DIAPH3: variants seen among roughly 807,000 people sequenced by gnomAD.
The protein encoded by DIAPH3 is protein diaphanous homolog 3.
DIAPH3 carries 117 observed loss-of-function variants against 144.3 expected under a neutral mutation model. The observed-to-expected ratio is 0.81, with a 90% confidence interval of 0.70 to 0.95. DIAPH3 has a LOEUF of 0.95. Ranked by LOEUF, DIAPH3 falls within the 40% of genes least tolerant of loss-of-function variation. The pLI is 0.00. For missense variants in DIAPH3, 1,421 were observed against 1,412.7 expected (o/e 1.01, Z -0.09); for synonymous variants, 519 against 488.9 (o/e 1.06, Z -0.81).
At chr13:60,157,953 T>C (rs912945447) in intron 1 of DIAPH3, among the ~76,000 whole-genome samples, 1 of 152,128 alleles carries the variant, frequency 6.6e-6, no homozygotes, top group Admixed American at 6.5e-5. Flanking sequence ...CTCTCCAGGA[T>C]TTTCTCCTCA....
At chr13:59,689,932 A>T (rs896607028) in intron 27 of DIAPH3, among the ~76,000 whole-genome samples, 1 of 152,036 alleles carries the variant, frequency 6.6e-6, no homozygotes, top group African/African-American at 2.4e-5. Flanking sequence ...TACTCTATCC[A>T]AATAATGTTA....
intron 17 of DIAPH3, among the ~76,000 whole-genome samples, chr13:59,937,023 C>T (rs1433206637): frequency 1.3e-5 from 2 of 151,730 alleles, no homozygotes; most frequent in Non-Finnish European, 2.9e-5. Flanking sequence ...ATTAGCTGGG[C>T]GTGGTGGCGG....
At chr13:59,832,245 T>G (rs1369153733) in intron 24 of DIAPH3, among the ~76,000 whole-genome samples, 1 of 151,826 alleles carries the variant, frequency 6.6e-6, no homozygotes, top group African/African-American at 2.4e-5. Context: ...TCCTGTAAAT[T>G]AGTTTTCCTT....
At chr13:60,108,546 C>A (rs1199291681) in intron 3 of DIAPH3, among the ~76,000 whole-genome samples, 1 of 151,726 alleles carries the variant, frequency 6.6e-6, no homozygotes, top group Admixed American at 6.6e-5. Flanking sequence ...ACAGAAGTTG[C>A]AATAAGCCAA....
intron 1 of DIAPH3, among the ~76,000 whole-genome samples, chr13:60,135,439 G>T (rs978836829): frequency 3.3e-5 from 5 of 152,110 alleles, no homozygotes; most frequent in Admixed American, 3.3e-4. Context: ...TTAAGATGCA[G>T]GTGTATCCTG....
At chr13:60,094,593 A>C (rs955952267) in intron 3 of DIAPH3, among the ~76,000 whole-genome samples, 3 of 152,162 alleles carry the variant, frequency 2.0e-5, no homozygotes, top group African/African-American at 7.2e-5. Context: ...TGCAATGTAA[A>C]ATATCTGAAT....
intron 17 of DIAPH3, among the ~76,000 whole-genome samples, chr13:59,953,293 T>A (rs2049198014): frequency 6.6e-6 from 1 of 151,942 alleles, no homozygotes; most frequent in Admixed American, 6.6e-5. Flanking sequence ...AGTGAAAGAA[T>A]TGAAAGAGAG....
intron 9 of DIAPH3, among the ~76,000 whole-genome samples, chr13:59,998,707 T>C (rs565038710): frequency 3.7e-4 from 57 of 152,278 alleles, no homozygotes; most frequent in Middle Eastern, 3.4e-3. Context: ...TCTACTAGCA[T>C]ACTGGCTTAT....
At chr13:59,709,061 A>C (rs1424194405) in intron 27 of DIAPH3, among the ~76,000 whole-genome samples, 1 of 152,170 alleles carries the variant, frequency 6.6e-6, no homozygotes, top group African/African-American at 2.4e-5. Context: ...TCTGTAAAAA[A>C]TGCAGATCTA....
chr13:60,155,635 G>T (rs1460693832), intron 1 of DIAPH3, among the ~76,000 whole-genome samples: 1 of 152,136 alleles, frequency 6.6e-6, no homozygotes, highest in Non-Finnish European at 1.5e-5. Context: ...AAATTTAGGT[G>T]CCTAAAGCTT....
At chr13:59,941,602 T>C (rs976295402) in intron 17 of DIAPH3, among the ~76,000 whole-genome samples, 2 of 152,292 alleles carry the variant, frequency 1.3e-5, no homozygotes, top group African/African-American at 4.8e-5. Context: ...TAGTGCATAG[T>C]ATGTTTAGAC....
chr13:59,795,820 C>T (rs2039572472), intron 25 of DIAPH3, among the ~76,000 whole-genome samples: 1 of 152,132 alleles, frequency 6.6e-6, no homozygotes, highest in South Asian at 2.1e-4. Flanking sequence ...ACTAGACAAA[C>T]AGTTACAGAC....
At chr13:60,129,279 C>T (rs1009221765) in intron 2 of DIAPH3, among the ~76,000 whole-genome samples, 1 of 152,184 alleles carries the variant, frequency 6.6e-6, no homozygotes, top group South Asian at 2.1e-4. Context: ...CTTCAAAACC[C>T]AGGTATAAGC....
At chr13:59,670,894 T>C (rs1002399428) in intron 27 of DIAPH3, among the ~76,000 whole-genome samples, 6 of 152,140 alleles carry the variant, frequency 3.9e-5, no homozygotes, top group Non-Finnish European at 5.9e-5. Context: ...GGAAGTTCAC[T>C]TTTTTAAAGC....
At chr13:59,791,049 T>C (rs2039302013) in intron 25 of DIAPH3, among the ~76,000 whole-genome samples, 1 of 152,232 alleles carries the variant, frequency 6.6e-6, no homozygotes. Flanking sequence ...CATAGCTCGC[T>C]ATAATAATCT....
chr13:59,802,497 T>A (rs1365926155), intron 25 of DIAPH3, among the ~76,000 whole-genome samples: 2 of 149,532 alleles, frequency 1.3e-5, no homozygotes, highest in Non-Finnish European at 3.0e-5. Context: ...TAACAATAAC[T>A]CATTATTTTT....
chr13:59,822,293 C>T (rs774034427), intron 24 of DIAPH3, among the ~76,000 whole-genome samples: 16 of 152,034 alleles, frequency 1.1e-4, no homozygotes, highest in African/African-American at 1.2e-4. Context: ...AAGCACAAGT[C>T]GCTATGCACA....
intron 20 of DIAPH3, among the ~76,000 whole-genome samples, chr13:59,891,094 A>C (rs922474285): frequency 6.6e-6 from 1 of 152,070 alleles, no homozygotes; most frequent in Non-Finnish European, 1.5e-5. Flanking sequence ...AAATAGTCTT[A>C]CAAGAGTATA....
intron 3 of DIAPH3, 96 bp downstream of exon 3, chr13:60,111,914 T>C (rs889365565): frequency 5.8e-6 from 7 of 1,210,656 alleles, no homozygotes; most frequent in South Asian, 3.8e-5. Flanking sequence ...AATTAGCCTA[T>C]GGAGTATGAC....
Sources: allele counts gnomAD v4.1 joint callset (sites outside exome capture counted in the v4.1 genomes callset), GRCh38; gene constraint gnomAD v4.1.1; transcripts MANE v1.5; gene names NCBI Gene and HGNC (gene_info 2026-07-23, HGNC 2026-07-21).